The following SPARC variants were observed in gnomAD, a reference collection of about 807,000 sequenced individuals.
SPARC encodes the protein basement-membrane protein 40.
Under a neutral mutation model 37.7 loss-of-function variants are expected in SPARC, and 23 were observed. That is an observed-to-expected ratio of 0.61 (90% CI 0.44 to 0.87). SPARC has a LOEUF of 0.87. Ranked by LOEUF, SPARC falls within the 40% of genes least tolerant of loss-of-function variation. The pLI, the probability that SPARC is intolerant of heterozygous loss-of-function variation, is 0.00. For missense variants in SPARC, 312 were observed against 389.0 expected (o/e 0.80, Z 1.66); for synonymous variants, 155 against 150.8 (o/e 1.03, Z -0.20).
intron 6 of SPARC, among the ~76,000 whole-genome samples, chr5:151,668,653 A>G (rs145197353): frequency 1.3e-5 from 2 of 152,130 alleles, no homozygotes; most frequent in African/African-American, 4.8e-5. Flanking sequence ...GGTCTGGGAG[A>G]GAATATCTGG....
intron 3 of SPARC, 133 bp from the exon 4 acceptor site, chr5:151,673,349 T>A: frequency 2.8e-6 from 2 of 710,484 alleles, no homozygotes; most frequent in Admixed American, 4.1e-5. Flanking sequence ...ATAGGCCTGC[T>A]GTGTTTTGCA....
At chr5:151,678,328 T>A (rs1760908111) in intron 1 of SPARC, among the ~76,000 whole-genome samples, 1 of 152,134 alleles carries the variant, frequency 6.6e-6, no homozygotes, top group Non-Finnish European at 1.5e-5. Context: ...AGGGGAAGGT[T>A]TCGCTGGGCG....
chr5:151,673,366 C>T (rs1449865405), intron 3 of SPARC, 150 bp from the exon 4 acceptor site: 3 of 671,382 alleles, frequency 4.5e-6, no homozygotes, highest in African/African-American at 1.8e-5. Context: ...TGCAGTATGC[C>T]TGGGATTCTG....
intron 6 of SPARC, 142 bp from the exon 7 acceptor site, chr5:151,667,742 A>G: frequency 1.2e-6 from 1 of 851,634 alleles, no homozygotes; most frequent in Non-Finnish European, 1.8e-6. Context: ...GTTTCTTCAC[A>G]GGACAATGAG....
chr5:151,670,269 C>T (rs1236663228), intron 5 of SPARC, among the ~76,000 whole-genome samples: 1 of 152,240 alleles, frequency 6.6e-6, no homozygotes, highest in African/African-American at 2.4e-5. Flanking sequence ...TATGCCTGGA[C>T]TGTTTGTACA....
chr5:151,671,516 A>G (rs977295274), intron 5 of SPARC, 57 bp downstream of exon 5: 4 of 1,504,480 alleles, frequency 2.7e-6, no homozygotes, highest in Non-Finnish European at 3.5e-6. Flanking sequence ...CTGAGCAGAC[A>G]TCCTGTATTC....
chr5:151,666,567 G>C (rs2304048), intron 7 of SPARC, 58 bp from the exon 8 acceptor site: 55 of 1,546,150 alleles, frequency 3.6e-5, no homozygotes, highest in Non-Finnish European at 4.6e-5. Flanking sequence ...TGGACCAGTC[G>C]GGCCCTCCCA....
At position 151,661,413 on chromosome 5, in the gene SPARC, C is replaced by T. The variant is rs1251381612; in HGVS notation, c.*2158G>A. On this transcript the variant is annotated 3_prime_UTR_variant, in exon 10 of 10. Transcript: ENST00000231061. The stretch of plus-strand genomic sequence containing the variant: ...GGGCCAATCTCTCCTACTGCTCGCC[C>T]TCCCACTGTGTAGAAGAGAACACCA... The T allele has an allele frequency of 6.6e-6, 1 of 152,246 alleles. No homozygotes were observed. The highest frequency in any genetic ancestry group is 1.9e-4 in the East Asian group (1 of 5,204). 9.4% of individuals were successfully genotyped at this position (152,246 alleles called of 1,614,324 possible). A position where few individuals can be genotyped will look rare whatever the true frequency, so the allele number is the denominator to read the frequency against.
chr5:151,668,789 T>C (rs1760684826), intron 6 of SPARC, among the ~76,000 whole-genome samples: 3 of 152,142 alleles, frequency 2.0e-5, no homozygotes, highest in African/African-American at 7.2e-5. Context: ...CCCATGCTTC[T>C]TCCCCCAACC....
intron 8 of SPARC, among the ~76,000 whole-genome samples, chr5:151,665,411 G>C (rs990469877): frequency 1.3e-5 from 2 of 152,176 alleles, no homozygotes; most frequent in African/African-American, 4.8e-5. Flanking sequence ...GAGCCCAGGA[G>C]ACCCCAGCCC....
At chr5:151,685,055 A>G (rs1761098136) in intron 1 of SPARC, 1 of 152,174 alleles carries the variant, frequency 6.6e-6, no homozygotes, top group African/African-American at 2.4e-5. Flanking sequence ...AGACCCTGAA[A>G]AAAAGGTTAC....
chr5:151,683,963 A>G (rs1231864443), intron 1 of SPARC, among the ~76,000 whole-genome samples: 1 of 152,120 alleles, frequency 6.6e-6, no homozygotes, highest in East Asian at 1.9e-4. Context: ...ATATTTATCT[A>G]CCTACATAAA....
At chr5:151,681,429 C>T (rs1331848306) in intron 1 of SPARC, among the ~76,000 whole-genome samples, 1 of 152,176 alleles carries the variant, frequency 6.6e-6, no homozygotes, top group Non-Finnish European at 1.5e-5. Context: ...GAACTAACAC[C>T]CCCAGCTTGT....
intron 2 of SPARC, 121 bp from the exon 3 acceptor site, chr5:151,674,795 C>T (rs1760822450): frequency 1.1e-6 from 1 of 886,878 alleles, no homozygotes; most frequent in African/African-American, 1.7e-5. Flanking sequence ...TGGAGATCCC[C>T]AAAGTTGTGC....
chr5:151,680,214 A>ATTTTTTTTTTTT (rs1258425937), intron 1 of SPARC, among the ~76,000 whole-genome samples: 1 of 89,994 alleles, frequency 1.1e-5, no homozygotes, highest in African/African-American at 5.8e-5. Flanking sequence ...AGTGGAAAAC[A>ATTTTTTTTTTTT]TCTTTTTTTT....
chr5:151,682,565 G>C (rs536130627), intron 1 of SPARC, among the ~76,000 whole-genome samples: 1 of 152,268 alleles, frequency 6.6e-6, no homozygotes, highest in African/African-American at 2.4e-5. Context: ...CTAAAGCTTA[G>C]AGAGTCATCA....
At chr5:151,686,025 GA>G (rs1448494505) in intron 1 of SPARC, 2 of 152,184 alleles carry the variant, frequency 1.3e-5, no homozygotes, top group African/African-American at 4.8e-5. Flanking sequence ...TACGGAAGGG[GA>G]CCCTGGAATT....
Position 151,673,151 on chromosome 5 carries a change from G to C in SPARC, c.186C>G (p.Thr62=). The change falls in exon 4 of 10, where the codon ACC becomes ACG. Residue 62 remains threonine (T), a synonymous_variant. Transcript: ENST00000231061. ...TACTTTCCGCCACCACCTCCTCTTC[G>C]GTTTCCTCTGCACCATCATCAAATT... ...VGEFDDGAEE[T]EEEVVAENPC... The C allele has an allele frequency of 6.2e-7, 1 of 1,613,698 alleles. No individual in the cohort carries two copies. Among genetic ancestry groups the C allele is most frequent in the Non-Finnish European group, 8.5e-7 (1 of 1,179,620 alleles).
intron 2 of SPARC, among the ~76,000 whole-genome samples, chr5:151,675,247 C>T (rs1760830827): frequency 6.6e-6 from 1 of 152,194 alleles, no homozygotes; most frequent in Non-Finnish European, 1.5e-5. Flanking sequence ...TCAAGATTGC[C>T]AGGGTCTGCC....
Sources: gnomAD v4.1 joint callset for allele counts (sites outside exome capture counted in the v4.1 genomes callset) on GRCh38, gnomAD v4.1.1 for gene constraint, MANE v1.5 for transcripts, NCBI Gene and HGNC (gene_info 2026-07-23, HGNC 2026-07-21) for gene names.